Variants in PRRC2B observed in about 807,000 individuals in gnomAD.
PRRC2B encodes protein PRRC2B.
Under a neutral mutation model 242.3 loss-of-function variants are expected in PRRC2B, and 68 were observed. The observed-to-expected ratio is 0.28, with a 90% CI of 0.23 to 0.34. The LOEUF (loss-of-function observed/expected upper bound fraction) is 0.34, where lower values mean the gene tolerates loss of function less well. PRRC2B is among the 10% of genes least tolerant of loss of function. PRRC2B has a pLI of 1.00. For synonymous variants in PRRC2B, 1,228 were observed against 1,173.6 expected (o/e 1.05, Z -0.95); for missense variants, 2,835 against 2,954.8 (o/e 0.96, Z 0.94).
intron 9 of PRRC2B, among the ~76,000 whole-genome samples, chr9:131,452,469 T>C (rs1255123567): frequency 2.6e-5 from 4 of 152,256 alleles, no homozygotes; most frequent in African/African-American, 9.6e-5. Flanking sequence ...TTGAGGAATT[T>C]GTTCATTTCT....
chr9:131,430,671 C>T (rs745757942), intron 2 of PRRC2B, among the ~76,000 whole-genome samples: 29 of 151,438 alleles, frequency 1.9e-4, no homozygotes, highest in Non-Finnish European at 3.5e-4. Flanking sequence ...CAGCTCATTG[C>T]AACCTCCACC....
At chr9:131,454,958 A>G (rs1588261440) in intron 9 of PRRC2B, 118 bp from the exon 10 acceptor site, 1 of 725,872 alleles carries the variant, frequency 1.4e-6, no homozygotes, top group Admixed American at 2.5e-5. Context: ...TCCTGTCCTC[A>G]TGATCCGCCC....
rs574983879 is a variant in PRRC2B, at chr9:131,430,312, C to A, written c.115+53C>A. 3.7e-6 allele frequency: 4 copies of A among 1,089,316 alleles called. No individual in the cohort carries two copies. In the South Asian group the frequency reaches 4.0e-5, roughly 11 times the overall value. 67.5% of individuals were successfully genotyped at this position (1,089,316 alleles called of 1,614,324 possible). A position where few individuals can be genotyped will look rare whatever the true frequency, so the allele number is the denominator to read the frequency against. On this transcript the variant is annotated intron_variant, in intron 2 of 31. Coordinates refer to ENST00000683519, the MANE Select transcript of PRRC2B (RefSeq NM_013318.4). ...CTCAAACTTTCTCCGAGTGACATAT[C>A]CCAGAAACCCAGAGTCCCTCACCTG...
chr9:131,463,755 G>C (rs1943310271), intron 11 of PRRC2B, among the ~76,000 whole-genome samples: 1 of 150,616 alleles, frequency 6.6e-6, no homozygotes, highest in African/African-American at 2.4e-5. Flanking sequence ...CAGTAGCTGG[G>C]ACCCATAAGC....
intron 1 of PRRC2B, among the ~76,000 whole-genome samples, chr9:131,428,444 T>A (rs1299193995): frequency 6.6e-6 from 1 of 152,194 alleles, no homozygotes; most frequent in Non-Finnish European, 1.5e-5. Context: ...TCACCCAGGC[T>A]GCAGTGCAGT....
At chr9:131,468,498 A>G (rs1012113732) in intron 13 of PRRC2B, among the ~76,000 whole-genome samples, 3 of 152,164 alleles carry the variant, frequency 2.0e-5, no homozygotes, top group Admixed American at 6.5e-5. Flanking sequence ...TTTTTGTCCT[A>G]AAGATCATGT....
At chr9:131,420,493 C>CTTT (rs146073511) in intron 1 of PRRC2B, among the ~76,000 whole-genome samples, 2 of 30,162 alleles carry the variant, frequency 6.6e-5, no homozygotes, top group Non-Finnish European at 6.4e-5. Flanking sequence ...TTCTTTCTTT[C>CTTT]TTTTTTTTTT....
intron 11 of PRRC2B, among the ~76,000 whole-genome samples, chr9:131,463,555 G>T (rs1353533786): frequency 6.6e-6 from 1 of 151,414 alleles, no homozygotes; most frequent in Non-Finnish European, 1.5e-5. Flanking sequence ...GTAAGAAAGG[G>T]TCCCAGTAAC....
rs758568910 is a variant in PRRC2B at position 131,476,662 on chromosome 9, G to A, written c.4406+127G>A. On this transcript the variant is annotated intron_variant, in intron 16 of 31. Coordinates refer to ENST00000683519, the MANE Select transcript of PRRC2B (RefSeq NM_013318.4). Reference sequence around the variant, plus strand: ...GGGCCTGCCCCCAGGCCGTCTGTGCGCGTCTCCATTGCCTGCCCCCACATT... The same window carrying A: ...GGGCCTGCCCCCAGGCCGTCTGTGCACGTCTCCATTGCCTGCCCCCACATT... 9.2e-5 allele frequency: 73 copies of A among 789,884 alleles called. 1 individual carries two copies. The highest frequency in any genetic ancestry group is 1.1e-4 in the Non-Finnish European group (58 of 512,040). 48.9% of individuals were successfully genotyped at this position (789,884 alleles called of 1,614,324 possible). A position where few individuals can be genotyped will look rare whatever the true frequency, so the allele number is the denominator to read the frequency against.
chr9:131,490,603 T>G (rs1339984997), intron 28 of PRRC2B: 2 of 518,958 alleles, frequency 3.9e-6, no homozygotes, highest in Non-Finnish European at 7.7e-6. Context: ...TACCCCATCC[T>G]GTTCCCCTGT....
chr9:131,471,392 TTTTTC>T (rs1564294650), intron 14 of PRRC2B, among the ~76,000 whole-genome samples: 2 of 152,214 alleles, frequency 1.3e-5, no homozygotes, highest in Admixed American at 6.5e-5. Context: ...TAATGCCTGC[TTTTTC>T]TTTTCTTATT....
At chr9:131,405,536 CT>C (rs1837339243) in intron 1 of PRRC2B, among the ~76,000 whole-genome samples, 1 of 152,172 alleles carries the variant, frequency 6.6e-6, no homozygotes, top group African/African-American at 2.4e-5. Flanking sequence ...CTTGGCGTCA[CT>C]TGCCACCCCT....
rs1366287530 is a variant in PRRC2B at position 131,488,022 on chromosome 9, C to T, written c.6151C>T (p.Leu2051=). 1 of 1,612,652 alleles carries T rather than the reference C, an allele frequency of 6.2e-7. No homozygotes were observed. The highest frequency in any genetic ancestry group is 1.1e-5 in the South Asian group (1 of 90,772). Residue 2051 remains leucine (L), a synonymous_variant, in exon 28 of 32, where the codon CTG becomes TTG. Transcript: ENST00000683519. The part of the protein sequence containing the change: ...PYQPMSGNQA[L]VYEGQLSQAA... ...CCAGCCCATGAGCGGGAACCAAGCC[C>T]TGGTCTACGAGGGCCAGCTCAGCCA... is the stretch of plus-strand genomic sequence containing the variant.
At position 131,467,591 on chromosome 9, in the gene PRRC2B, C is replaced by A; in HGVS notation, c.1749C>A (p.Thr583=). 2 of 1,611,684 alleles carry A rather than the reference C, an allele frequency of 1.2e-6. No homozygotes were observed. Among genetic ancestry groups the A allele is most frequent in the Non-Finnish European group, 1.7e-6 (2 of 1,178,954 alleles). Residue 583 remains threonine (T), a synonymous_variant, in exon 13 of 32, where the codon ACC becomes ACA. Coordinates refer to ENST00000683519, the MANE Select transcript of PRRC2B (RefSeq NM_013318.4). The part of the protein sequence containing the change: ...KGSPEFPAQE[T]PTTFPEEAPT... ...CCCCAGAATTCCCTGCCCAAGAGACCCCCACCACATTCCCAGAAGAGGCAC... is the reference window on the plus strand; with the variant it reads ...CCCCAGAATTCCCTGCCCAAGAGACACCCACCACATTCCCAGAAGAGGCAC...
Position 131,475,943 on chromosome 9 carries a change from G to A in PRRC2B, c.3814G>A (p.Glu1272Lys). Residue 1272 changes from glutamate to lysine, a missense_variant, in exon 16 of 32, where the codon GAG (glutamate) becomes AAG (lysine). This residue lies in a region of PRRC2B where 1,536 missense variants were observed against 1,483.1 expected (regional missense o/e 1.04). Coordinates refer to ENST00000683519, the MANE Select transcript of PRRC2B (RefSeq NM_013318.4). ...TGACGCATTTGGTGGCCGGGGCTTT[G>A]AGGACAGCCGCGCGGAGGACAAGAG... ...HPDAFGGRGFEDSRAEDKRSF... is the reference protein window; with the variant it reads ...HPDAFGGRGFKDSRAEDKRSF... 1 of 1,613,854 alleles carries A rather than the reference G, an allele frequency of 6.2e-7. No homozygotes were observed. The highest frequency in any genetic ancestry group is 1.1e-5 in the South Asian group (1 of 91,088).
chr9:131,484,860 G>A (rs913205853), intron 24 of PRRC2B, 70 bp downstream of exon 24: 1 of 1,562,810 alleles, frequency 6.4e-7, no homozygotes, highest in Non-Finnish European at 8.7e-7. Flanking sequence ...GAAGGGAGGA[G>A]TCCCCGAACC....
intron 1 of PRRC2B, among the ~76,000 whole-genome samples, chr9:131,397,040 C>G (rs1837080575): frequency 6.6e-6 from 1 of 152,188 alleles, no homozygotes; most frequent in Non-Finnish European, 1.5e-5. Context: ...GACCTCCTAG[C>G]TGTGGAACTG....
chr9:131,378,461 A>G (rs529950374), intron 1 of PRRC2B, among the ~76,000 whole-genome samples: 4 of 152,172 alleles, frequency 2.6e-5, no homozygotes, highest in African/African-American at 7.2e-5. Context: ...TCTAAAATGC[A>G]CCAAGAATAA....
At chr9:131,429,519 A>G (rs1209098032) in intron 1 of PRRC2B, among the ~76,000 whole-genome samples, 1 of 152,188 alleles carries the variant, frequency 6.6e-6, no homozygotes, top group Non-Finnish European at 1.5e-5. Context: ...TTGCCTAAGC[A>G]GATGTTTTCT....
Sources: allele counts gnomAD v4.1 joint callset (sites outside exome capture counted in the v4.1 genomes callset), GRCh38; gene constraint gnomAD v4.1.1; regional missense constraint gnomAD v4.1.1; transcripts MANE v1.5; gene names NCBI Gene and HGNC (gene_info 2026-07-23, HGNC 2026-07-21).